The following PCDH15 variants were observed in gnomAD, a reference collection of about 807,000 sequenced individuals.
PCDH15 encodes protocadherin-15.
In PCDH15, 129 loss-of-function variants were observed where a neutral mutation model predicts 178.5. The observed-to-expected ratio is 0.72, with a 90% CI of 0.63 to 0.84. PCDH15 has a LOEUF of 0.84. Ranked by LOEUF, PCDH15 falls within the 40% of genes least tolerant of loss-of-function variation. PCDH15 has a pLI of 0.00. For missense variants in PCDH15, 2,230 were observed against 2,099.9 expected (o/e 1.06, Z -1.21); for synonymous variants, 800 against 732.0 (o/e 1.09, Z -1.50).
chr10:54,360,015 C>T (rs1010175426), intron 5 of PCDH15, among the ~76,000 whole-genome samples: 1 of 152,032 alleles, frequency 6.6e-6, no homozygotes, highest in Admixed American at 6.6e-5. Flanking sequence ...GTCTAATCAT[C>T]CCACAGAACT....
intron 2 of PCDH15, among the ~76,000 whole-genome samples, chr10:55,073,111 A>C (rs1001577159): frequency 7.2e-5 from 11 of 152,082 alleles, no homozygotes; most frequent in African/African-American, 2.4e-4. Context: ...AAATAATAAG[A>C]GCTATCTATG....
chr10:54,453,087 G>A (rs2076583513), intron 3 of PCDH15, among the ~76,000 whole-genome samples: 1 of 151,690 alleles, frequency 6.6e-6, no homozygotes, highest in South Asian at 2.1e-4. Flanking sequence ...GGTTGTGGAG[G>A]TCAGTGTGGC....
chr10:53,971,061 C>T (rs1216146487), intron 21 of PCDH15, among the ~76,000 whole-genome samples: 2 of 152,146 alleles, frequency 1.3e-5, no homozygotes, highest in Non-Finnish European at 2.9e-5. Context: ...AAACCAAATC[C>T]AGCAGCACAT....
intron 2 of PCDH15, among the ~76,000 whole-genome samples, chr10:54,908,960 C>T (rs1005900631): frequency 6.6e-6 from 1 of 151,926 alleles, no homozygotes; most frequent in East Asian, 1.9e-4. Flanking sequence ...CCTGTCATCT[C>T]TTCAGCTCTC....
chr10:55,159,810 T>A (rs1271690287), intron 2 of PCDH15, among the ~76,000 whole-genome samples: 1 of 148,832 alleles, frequency 6.7e-6, no homozygotes, highest in Admixed American at 6.8e-5. Flanking sequence ...ATAATATATA[T>A]AAAACATATA....
intron 2 of PCDH15, among the ~76,000 whole-genome samples, chr10:55,339,984 G>T (rs1042347913): frequency 6.6e-6 from 1 of 150,704 alleles, no homozygotes; most frequent in Non-Finnish European, 1.5e-5. Flanking sequence ...AAGATAAAGA[G>T]ACTGTCGTAT....
chr10:55,590,096 A>C (rs1194250191), intron 2 of PCDH15, among the ~76,000 whole-genome samples: 1 of 151,148 alleles, frequency 6.6e-6, no homozygotes. Context: ...GGATTAAGAA[A>C]ATGTGGCACA....
intron 2 of PCDH15, among the ~76,000 whole-genome samples, chr10:55,562,674 A>G (rs4132591): frequency 9.9e-5 from 15 of 152,148 alleles, no homozygotes; most frequent in Middle Eastern, 3.4e-3. Flanking sequence ...GTCATTAACT[A>G]TTTATGTGAT....
intron 8 of PCDH15, among the ~76,000 whole-genome samples, chr10:54,262,170 A>T (rs1259919522): frequency 6.6e-6 from 1 of 152,066 alleles, no homozygotes; most frequent in Non-Finnish European, 1.5e-5. Context: ...TTGAACCCAC[A>T]CCGAGCCCAG....
At chr10:54,527,324 C>A (rs947174160) in intron 3 of PCDH15, among the ~76,000 whole-genome samples, 4 of 152,082 alleles carry the variant, frequency 2.6e-5, no homozygotes, top group Non-Finnish European at 5.9e-5. Flanking sequence ...CTGCTCTTGG[C>A]CTTATTTCAT....
chr10:54,784,835 G>A (rs1950695301), intron 1 of PCDH15, among the ~76,000 whole-genome samples: 2 of 151,912 alleles, frequency 1.3e-5, no homozygotes, highest in Non-Finnish European at 2.9e-5. Flanking sequence ...TGCTGGTTTT[G>A]GTCTTGAATA....
intron 8 of PCDH15, among the ~76,000 whole-genome samples, chr10:54,258,179 C>T (rs1364548355): frequency 1.3e-5 from 2 of 152,020 alleles, no homozygotes; most frequent in Non-Finnish European, 2.9e-5. Flanking sequence ...CACAGCAAAT[C>T]CTGTATAGCC....
chr10:54,407,492 T>C (rs765592178), intron 3 of PCDH15, among the ~76,000 whole-genome samples: 12 of 152,122 alleles, frequency 7.9e-5, no homozygotes, highest in Non-Finnish European at 1.6e-4. Flanking sequence ...TAGTTTGTTA[T>C]GGCATTCAAT....
At chr10:53,828,131 G>A (rs533182179) in intron 31 of PCDH15, among the ~76,000 whole-genome samples, 39 of 141,110 alleles carry the variant, frequency 2.8e-4, no homozygotes, top group Middle Eastern at 4.1e-3. Flanking sequence ...GCTTGAACCC[G>A]GGAGGCGGAG....
In PCDH15 at chr10:54,132,595, G is replaced by A. The variant is rs1045691317; in HGVS notation, c.1917+280C>T. Among the ~76,000 whole-genome samples the A allele has an allele frequency of 2.0e-5, 3 of 152,122 alleles. No homozygotes were observed. The South Asian group carries it at 6.2e-4, about 32-fold the overall frequency. ...TCCAAAGTATAAAATATTCAAGTATGTGTTTCCAATCCCTTCATTCTCTCC... is the reference window on the plus strand; with the variant it reads ...TCCAAAGTATAAAATATTCAAGTATATGTTTCCAATCCCTTCATTCTCTCC... On this transcript the variant is annotated intron_variant, in intron 15 of 37. Coordinates refer to ENST00000644397, the MANE Select transcript of PCDH15 (RefSeq NM_001384140.1).
At chr10:54,562,519 A>G (rs982466144) in intron 2 of PCDH15, among the ~76,000 whole-genome samples, 3 of 152,178 alleles carry the variant, frequency 2.0e-5, no homozygotes, top group African/African-American at 7.2e-5. Context: ...TGTGATACAC[A>G]GTAGCACACC....
chr10:54,955,199 C>T (rs765883653), intron 2 of PCDH15, among the ~76,000 whole-genome samples: 2 of 151,158 alleles, frequency 1.3e-5, no homozygotes, highest in Non-Finnish European at 3.0e-5. Context: ...TACTTAGAAG[C>T]TTGAAGGCCA....
intron 1 of PCDH15, among the ~76,000 whole-genome samples, chr10:55,279,508 C>T (rs962095938): frequency 6.6e-6 from 1 of 151,980 alleles, no homozygotes; most frequent in African/African-American, 2.4e-5. Flanking sequence ...GATAAGCGAC[C>T]GGCATACCTA....
At chr10:54,685,870 A>G (rs1007865969) in intron 1 of PCDH15, among the ~76,000 whole-genome samples, 1 of 152,098 alleles carries the variant, frequency 6.6e-6, no homozygotes, top group African/African-American at 2.4e-5. Context: ...CACTGAATGC[A>G]TATCACTTGG....
Sources: allele counts gnomAD v4.1 joint callset (sites outside exome capture counted in the v4.1 genomes callset), GRCh38; gene constraint gnomAD v4.1.1; transcripts MANE v1.5; gene names NCBI Gene and HGNC (gene_info 2026-07-23, HGNC 2026-07-21).